TMEM38B: variants seen among roughly 807,000 people sequenced by gnomAD.
TMEM38B encodes the protein transmembrane protein 38B.
A neutral mutation model predicts 28.7 loss-of-function variants in TMEM38B; 24 were observed. The observed-to-expected ratio is 0.84, with a 90% CI of 0.61 to 1.18. The LOEUF is 1.18. Among genes scored for constraint, TMEM38B ranks in the 50% most tolerant of loss-of-function variants. The pLI is 0.00. For missense variants in TMEM38B, 380 were observed against 350.9 expected, an observed-to-expected ratio of 1.08 and a Z score of -0.66; for synonymous variants, 131 against 127.7, an observed-to-expected ratio of 1.03 and a Z score of -0.17.
chr9:105,712,378 T>C (rs1160163973), intron 2 of TMEM38B, among the ~76,000 whole-genome samples: 5 of 152,308 alleles, frequency 3.3e-5, no homozygotes, highest in African/African-American at 1.2e-4. Context: ...TTAAGCTTTT[T>C]AAAAAAATGG....
At chr9:105,728,996 G>T (rs141457963) in intron 4 of TMEM38B, among the ~76,000 whole-genome samples, 3,308 of 152,188 alleles carry the variant, frequency 0.022, 116 homozygotes, top group African/African-American at 0.076. Context: ...TGTCAGATGA[G>T]TAGATTGCAA....
At chr9:105,732,908 C>T (rs541182473) in intron 4 of TMEM38B, among the ~76,000 whole-genome samples, 1 of 152,228 alleles carries the variant, frequency 6.6e-6, no homozygotes, top group South Asian at 2.1e-4. Context: ...ACAGTATGGC[C>T]ATTTTCACAA....
chr9:105,745,163 A>G (rs890477285), intron 4 of TMEM38B, among the ~76,000 whole-genome samples: 19 of 152,186 alleles, frequency 1.2e-4, no homozygotes, highest in Admixed American at 5.9e-4. Flanking sequence ...GAATCGCCAC[A>G]CTGTCTTCAC....
intron 5 of TMEM38B, among the ~76,000 whole-genome samples, chr9:105,762,058 A>C (rs1417136917): frequency 6.6e-6 from 1 of 152,062 alleles, no homozygotes; most frequent in Non-Finnish European, 1.5e-5. Flanking sequence ...TCTATTCCTT[A>C]AGTGTAAAGA....
intron 2 of TMEM38B, among the ~76,000 whole-genome samples, chr9:105,706,503 T>C (rs3126471): frequency 0.7 from 105,797 of 152,166 alleles, 38,455 homozygotes; most frequent in African/African-American, 0.92. Context: ...TTTTTATAAG[T>C]GGGCTCATAA....
intron 2 of TMEM38B, among the ~76,000 whole-genome samples, chr9:105,713,230 C>T (rs866318677): frequency 5.3e-5 from 8 of 152,156 alleles, no homozygotes; most frequent in East Asian, 3.9e-4. Flanking sequence ...CCTGACCTGC[C>T]GCTCCACGGA....
intron 4 of TMEM38B, among the ~76,000 whole-genome samples, chr9:105,740,099 T>G (rs1837140694): frequency 6.6e-6 from 1 of 152,000 alleles, no homozygotes; most frequent in Non-Finnish European, 1.5e-5. Context: ...GCCAGGCTGG[T>G]CTCGAACTCC....
At chr9:105,760,402 C>G (rs1837996773) in intron 5 of TMEM38B, 3 of 743,258 alleles carry the variant, frequency 4.0e-6, no homozygotes, top group African/African-American at 3.5e-5. Flanking sequence ...AGTGGAAAAA[C>G]ATCTTGAATA....
At chr9:105,723,534 G>T (rs1356285553) in intron 4 of TMEM38B, among the ~76,000 whole-genome samples, 1 of 151,920 alleles carries the variant, frequency 6.6e-6, no homozygotes, top group East Asian at 1.9e-4. Context: ...TGTGACTACA[G>T]GCATCTGCCA....
At chr9:105,752,968 G>C (rs188110741) in intron 5 of TMEM38B, among the ~76,000 whole-genome samples, 1 of 152,288 alleles carries the variant, frequency 6.6e-6, no homozygotes, top group East Asian at 1.9e-4. Context: ...GTTTAGAGAG[G>C]AACATAATTG....
In TMEM38B at chr9:105,775,777, A is replaced by G. The variant is rs186566198; in HGVS notation, c.*1697A>G. ...GGAAGGACTCTTGTTTTACACTTGT[A>G]TTAAAGATAAATTTATTAAAATAAG... On this transcript the variant is annotated 3_prime_UTR_variant, in exon 6 of 6. Transcript: ENST00000374692. 10 of 152,244 alleles carry G rather than the reference A, an allele frequency of 6.6e-5. No homozygotes were observed. Among genetic ancestry groups the G allele is most frequent in the Admixed American group, 3.9e-4 (6 of 15,272 alleles). 9.4% of individuals were successfully genotyped at this position (152,244 alleles called of 1,614,324 possible).
intron 4 of TMEM38B, among the ~76,000 whole-genome samples, chr9:105,728,388 C>T (rs916316418): frequency 1.3e-5 from 2 of 152,134 alleles, no homozygotes; most frequent in South Asian, 4.1e-4. Flanking sequence ...TGATGATTTA[C>T]AGCTTCATCC....
rs12338851 is a variant in TMEM38B, at chr9:105,774,530, A to G, written c.*450A>G. 32,185 of 152,300 alleles carry G rather than the reference A, an allele frequency of 0.21. 5,298 individuals are homozygous for G. Among genetic ancestry groups the G allele is most frequent in the East Asian group, 0.47 (2,403 of 5,166 alleles). The allele number at this position is 152,300 out of a possible 1,614,324, so 9.4% of individuals were successfully genotyped here. ...TTGCTAGGTATGGAGAACAATTCCT[A>G]TTTTATTTTGAACACTGAGAAGAGT... On this transcript the variant is annotated 3_prime_UTR_variant, in exon 6 of 6. Coordinates refer to ENST00000374692, the MANE Select transcript of TMEM38B (RefSeq NM_018112.3).
rs1030308617 is a variant in TMEM38B at position 105,758,937 on chromosome 9, C to T, written c.660+10747C>T. On this transcript the variant is annotated intron_variant, in intron 5 of 5. Coordinates refer to ENST00000374692, the MANE Select transcript of TMEM38B (RefSeq NM_018112.3). ...CTACCTGCAAACCATTTTAGGTGTG[C>T]CATCCCTAGAAGAAGTCATAAATCC... 33 of 1,354,420 alleles carry T rather than the reference C, an allele frequency of 2.4e-5. No homozygotes were observed. In the African/African-American group the frequency reaches 4.6e-4, roughly 19 times the overall value. 83.9% of individuals were successfully genotyped at this position (1,354,420 alleles called of 1,614,324 possible).
Position 105,745,354 on chromosome 9 carries a change from T to C in TMEM38B, c.543-2719T>C, listed in dbSNP as rs545041424. On this transcript the variant is annotated intron_variant, in intron 4 of 5. Transcript: ENST00000374692. ...GATGGCCAGTGATGATGAGCATTTTTTCATCTGTCTGTTGGCTGCATAAAT... is the reference window on the plus strand; with the variant it reads ...GATGGCCAGTGATGATGAGCATTTTCTCATCTGTCTGTTGGCTGCATAAAT... 3.3e-5 allele frequency among the ~76,000 whole-genome samples: 5 copies of C among 152,340 alleles called. No homozygotes were observed. The South Asian group carries it at 1.0e-3, about 32-fold the overall frequency.
chr9:105,696,006 G>T (rs1470909438), intron 1 of TMEM38B, among the ~76,000 whole-genome samples: 1 of 152,106 alleles, frequency 6.6e-6, no homozygotes, highest in Non-Finnish European at 1.5e-5. Context: ...TTCACATTGT[G>T]GTCCAGGGAC....
chr9:105,759,465 T>G (rs1471588471), intron 5 of TMEM38B: 6 of 1,571,842 alleles, frequency 3.8e-6, no homozygotes, highest in Non-Finnish European at 5.2e-6. Flanking sequence ...AGCTAGTTAA[T>G]TTAAGAAACA....
rs571898113 is a variant in TMEM38B at position 105,739,560 on chromosome 9, C to G, written c.543-8513C>G. On this transcript the variant is annotated intron_variant, in intron 4 of 5. Coordinates refer to ENST00000374692, the MANE Select transcript of TMEM38B (RefSeq NM_018112.3). ...TTCTTTTTTTAGACAGAGTGTCACT[C>G]TGTCCCCAGGCTGGAGTGCAGTGGC... Among the ~76,000 whole-genome samples, 10 of 152,288 alleles carry G rather than the reference C, an allele frequency of 6.6e-5. No individual in the cohort carries two copies. The South Asian group carries it at 1.9e-3, about 28-fold the overall frequency.
At chr9:105,712,830 C>G (rs957065057) in intron 2 of TMEM38B, among the ~76,000 whole-genome samples, 1 of 152,246 alleles carries the variant, frequency 6.6e-6, no homozygotes, top group African/African-American at 2.4e-5. Flanking sequence ...AGCCCACCAG[C>G]CACCCTTGGG....
Sources: gnomAD v4.1 joint callset for allele counts (sites outside exome capture counted in the v4.1 genomes callset) on GRCh38, gnomAD v4.1.1 for gene constraint, MANE v1.5 for transcripts, NCBI Gene and HGNC (gene_info 2026-07-23, HGNC 2026-07-21) for gene names.